The following ANKRD44 variants were observed in gnomAD, a reference collection of about 807,000 sequenced individuals.
ANKRD44 encodes ankyrin repeat domain 44.
ANKRD44 carries 35 observed loss-of-function variants against 116.0 expected under a neutral mutation model. The ratio of observed to expected loss-of-function variants is 0.30; its 90% CI spans 0.23 to 0.40. The LOEUF is 0.40. Ranked by LOEUF, ANKRD44 falls within the 10% of genes least tolerant of loss-of-function variation. ANKRD44 has a pLI of 1.00. For missense variants in ANKRD44, 1,014 were observed against 1,242.6 expected (o/e 0.82, Z 2.77); for synonymous variants, 435 against 461.8 (o/e 0.94, Z 0.74).
At chr2:196,968,227 G>T (rs1345294122) in intron 21 of ANKRD44, among the ~76,000 whole-genome samples, 2 of 152,180 alleles carry the variant, frequency 1.3e-5, no homozygotes, top group African/African-American at 2.4e-5. Context: ...TATCAGAAGA[G>T]ACCAAATGTG....
intron 2 of ANKRD44, among the ~76,000 whole-genome samples, chr2:197,151,261 G>A (rs908833950): frequency 1.3e-5 from 2 of 152,094 alleles, no homozygotes; most frequent in Non-Finnish European, 2.9e-5. Context: ...CATTGAAAAT[G>A]AACTCACAAG....
chr2:197,033,442 T>G (rs778414150), intron 16 of ANKRD44, among the ~76,000 whole-genome samples: 3 of 152,206 alleles, frequency 2.0e-5, no homozygotes, highest in Non-Finnish European at 4.4e-5. Context: ...GGGCCTTACA[T>G]GAATCATCTC....
intron 1 of ANKRD44, among the ~76,000 whole-genome samples, chr2:197,225,972 A>G (rs918463017): frequency 3.3e-5 from 5 of 152,192 alleles, no homozygotes; most frequent in African/African-American, 1.2e-4. Context: ...CTCTCTATGC[A>G]TCTTTCTCCC....
At chr2:197,153,918 C>T (rs893570577) in intron 2 of ANKRD44, among the ~76,000 whole-genome samples, 2 of 151,878 alleles carry the variant, frequency 1.3e-5, no homozygotes, top group Non-Finnish European at 2.9e-5. Flanking sequence ...GTTTTTAATT[C>T]TTCAAACCAC....
chr2:197,282,485 T>A (rs1043856718), intron 1 of ANKRD44, among the ~76,000 whole-genome samples: 1 of 152,022 alleles, frequency 6.6e-6, no homozygotes, highest in African/African-American at 2.4e-5. Context: ...AGAGCTCCAG[T>A]TGGGGCTGTT....
intron 10 of ANKRD44, among the ~76,000 whole-genome samples, chr2:197,098,516 T>C (rs1276422184): frequency 6.6e-6 from 1 of 152,198 alleles, no homozygotes; most frequent in Non-Finnish European, 1.5e-5. Flanking sequence ...ATTTAGTTAT[T>C]GTTACAGACT....
chr2:197,236,789 A>G (rs893524022), intron 1 of ANKRD44, among the ~76,000 whole-genome samples: 1 of 152,152 alleles, frequency 6.6e-6, no homozygotes, highest in African/African-American at 2.4e-5. Context: ...GCTACTGAGA[A>G]AAAGAGAATC....
intron 1 of ANKRD44, among the ~76,000 whole-genome samples, chr2:197,208,474 C>T (rs2081256559): frequency 6.6e-6 from 1 of 152,164 alleles, no homozygotes; most frequent in Admixed American, 6.5e-5. Context: ...AGCTGTGCCA[C>T]ACACCAGGTA....
intron 1 of ANKRD44, among the ~76,000 whole-genome samples, chr2:197,221,250 CAA>C (rs71395676): frequency 2.2e-4 from 29 of 131,448 alleles, no homozygotes; most frequent in African/African-American, 6.3e-4. Flanking sequence ...GACTCCATCT[CAA>C]AAAAAAAAAA....
intron 10 of ANKRD44, 73 bp from the exon 11 acceptor site, chr2:197,090,105 T>C (rs2078009133): frequency 8.4e-7 from 1 of 1,185,000 alleles, no homozygotes; most frequent in Non-Finnish European, 1.2e-6. Context: ...ATTACCTTTC[T>C]AGATTCTCTG....
chr2:196,984,412 A>G (rs1334523372), downstream of ANKRD44, among the ~76,000 whole-genome samples: 1 of 152,248 alleles, frequency 6.6e-6, no homozygotes, highest in East Asian at 1.9e-4. Context: ...TTTACAGCAA[A>G]TGTACCTTCA....
intron 2 of ANKRD44, among the ~76,000 whole-genome samples, chr2:197,178,483 A>T (rs61355689): frequency 0.064 from 9,777 of 151,880 alleles, 1,041 homozygotes; most frequent in African/African-American, 0.22. Context: ...AAAAAAAAAA[A>T]TTTTAACTAA....
chr2:197,109,324 C>T (rs145399468), intron 9 of ANKRD44, among the ~76,000 whole-genome samples: 153 of 152,206 alleles, frequency 1.0e-3, no homozygotes, highest in African/African-American at 3.4e-3. Flanking sequence ...ACACGGTGGC[C>T]TTTTCAATAA....
chr2:197,153,304 G>A (rs145236325), intron 2 of ANKRD44, among the ~76,000 whole-genome samples: 12 of 150,210 alleles, frequency 8.0e-5, no homozygotes, highest in African/African-American at 2.9e-4. Flanking sequence ...GGAGGAGGAG[G>A]GTTCCAATTA....
chr2:197,096,239 G>A lies in ANKRD44; in HGVS notation c.1100+3577C>T, dbSNP rs558657414. 2.0e-5 allele frequency among the ~76,000 whole-genome samples: 3 copies of A among 152,252 alleles called. No homozygotes were observed. In the East Asian group the frequency reaches 5.8e-4, roughly 29 times the overall value. On this transcript the variant is annotated intron_variant, in intron 10 of 27. Transcript: ENST00000282272. Reference sequence around the variant, plus strand: ...GGATCATAAATTCCTCAAGGGCAGGGACCTCTATAATCCCAGAACCTGGCA... The same window carrying A: ...GGATCATAAATTCCTCAAGGGCAGGAACCTCTATAATCCCAGAACCTGGCA...
intron 16 of ANKRD44, among the ~76,000 whole-genome samples, chr2:197,025,498 A>T (rs2076574537): frequency 6.6e-6 from 1 of 152,244 alleles, no homozygotes; most frequent in Admixed American, 6.5e-5. Flanking sequence ...TTCACCTGGC[A>T]AACAGATAAT....
rs188036334 is a variant in ANKRD44, at chr2:197,089,014, C to A, written c.1184-240G>T. The A allele has an allele frequency of 1.7e-3, 638 of 384,490 alleles. 1 individual carries two copies. The highest frequency in any genetic ancestry group is 0.012 in the African/African-American group (567 of 48,464). The allele number at this position is 384,490 out of a possible 1,614,324, so 23.8% of individuals were successfully genotyped here. ...ATTTTCACATTCAGCCCTGGGTGAA[C>A]CACAGTCCCATTTTTTAATCCCAGG... On this transcript the variant is annotated intron_variant, in intron 11 of 27. Coordinates refer to ENST00000282272, the MANE Select transcript of ANKRD44 (RefSeq NM_001195144.2).
Position 197,203,681 on chromosome 2 carries a change from C to G in ANKRD44, c.28-16575G>C, listed in dbSNP as rs1350911327. ...ATGTCCACAGCAGTACTATTCACAACAGTCAAAAGGTAGAAACAACCCAAG... is the reference window on the plus strand; with the variant it reads ...ATGTCCACAGCAGTACTATTCACAAGAGTCAAAAGGTAGAAACAACCCAAG... On this transcript the variant is annotated intron_variant, in intron 1 of 27. Transcript: ENST00000282272. This position sits in a 1 kb window ranked among gnomAD's most constrained non-coding sequence, Gnocchi z 4.1. Among the ~76,000 whole-genome samples the G allele has an allele frequency of 6.6e-6, 1 of 152,200 alleles. No individual in the cohort carries two copies. Among genetic ancestry groups the G allele is most frequent in the Non-Finnish European group, 1.5e-5 (1 of 68,036 alleles).
chr2:197,250,576 G>A (rs2082292936), intron 1 of ANKRD44, among the ~76,000 whole-genome samples: 1 of 152,240 alleles, frequency 6.6e-6, no homozygotes, highest in African/African-American at 2.4e-5. Flanking sequence ...CCTCCCAAAT[G>A]TAGGTGAGGA....
Sources: allele counts gnomAD v4.1 joint callset (sites outside exome capture counted in the v4.1 genomes callset), GRCh38; gene constraint gnomAD v4.1.1; non-coding constraint Gnocchi (gnomAD v3.1); transcripts MANE v1.5; gene names NCBI Gene and HGNC (gene_info 2026-07-23, HGNC 2026-07-21).